NTRK2: variants seen among roughly 807,000 people sequenced by gnomAD.
NTRK2 encodes the protein BDNF/NT-3 growth factors receptor.
NTRK2 carries 13 observed loss-of-function variants against 94.5 expected under a neutral mutation model. That is an observed-to-expected ratio of 0.14 (90% confidence interval 0.09 to 0.22). NTRK2 has a LOEUF of 0.22. Among genes scored for constraint, NTRK2 ranks in the 10% least tolerant of loss-of-function variants. The probability of loss-of-function intolerance (pLI) is 1.00; values close to 1 mark genes in which losing one functional copy is unlikely to be tolerated. For synonymous variants in NTRK2, 372 were observed against 407.4 expected (o/e 0.91, Z 1.05); for missense variants, 639 against 1,071.2 (o/e 0.60, Z 5.63).
chr9:84,728,200 A>G (rs1490488442), intron 9 of NTRK2, among the ~76,000 whole-genome samples: 1 of 152,134 alleles, frequency 6.6e-6, no homozygotes, highest in African/African-American at 2.4e-5. Flanking sequence ...GTGTGGAGTG[A>G]AAGAGGACAA....
chr9:84,986,097 A>G (rs1161385968), intron 17 of NTRK2, among the ~76,000 whole-genome samples: 1 of 152,156 alleles, frequency 6.6e-6, no homozygotes, highest in East Asian at 1.9e-4. Context: ...AGGTTAAATT[A>G]CAATTATTAT....
At chr9:84,831,136 G>A (rs141480382) in intron 12 of NTRK2, among the ~76,000 whole-genome samples, 123 of 152,250 alleles carry the variant, frequency 8.1e-4, no homozygotes, top group African/African-American at 2.9e-3. Flanking sequence ...ATTGTTAAAA[G>A]TAACACTGTA....
chr9:84,685,085 A>G (rs1564046292), intron 2 of NTRK2, among the ~76,000 whole-genome samples: 1 of 151,802 alleles, frequency 6.6e-6, no homozygotes, highest in Admixed American at 6.6e-5. Context: ...TACTTTTACT[A>G]TTATATGTTT....
At chr9:84,847,028 AAG>A (rs1487403814) in intron 12 of NTRK2, among the ~76,000 whole-genome samples, 1 of 152,212 alleles carries the variant, frequency 6.6e-6, no homozygotes, top group African/African-American at 2.4e-5. Flanking sequence ...ACAACAACAA[AAG>A]AGCTAGTTAA....
At chr9:84,669,113 TC>T (rs761360126), upstream of NTRK2, among the ~76,000 whole-genome samples, 11 of 152,092 alleles carry the variant, frequency 7.2e-5, no homozygotes, top group Non-Finnish European at 1.6e-4. This position sits in a 1 kb window ranked among gnomAD's most constrained non-coding sequence, Gnocchi z 4.1. Context: ...AAACCACCGA[TC>T]CCCAAATAGG....
chr9:84,697,800 G>A (rs1263298752), intron 2 of NTRK2, among the ~76,000 whole-genome samples: 3 of 152,142 alleles, frequency 2.0e-5, no homozygotes, highest in Admixed American at 2.0e-4. Flanking sequence ...TGTTTGGGTG[G>A]TCCAGGGAAC....
At position 84,809,339 on chromosome 9, in the gene NTRK2, T is replaced by G. The variant is rs184236961; in HGVS notation, c.1397-51701T>G. Among the ~76,000 whole-genome samples, 203 of 151,170 alleles carry G rather than the reference T, an allele frequency of 1.3e-3. 1 individual carries two copies. Among genetic ancestry groups the G allele is most frequent in the African/African-American group, 4.8e-3 (197 of 41,350 alleles). On this transcript the variant is annotated intron_variant, in intron 12 of 18. Transcript: ENST00000277120. ...TTGTAACATTTATCACAGCGTCTAC[T>G]GTTTGGTTGGTGCTTAACAAATGTA... is the stretch of plus-strand genomic sequence containing the variant.
chr9:84,996,823 C>CT (rs924777407), intron 17 of NTRK2, among the ~76,000 whole-genome samples: 2 of 152,226 alleles, frequency 1.3e-5, no homozygotes, highest in African/African-American at 2.4e-5. Context: ...AGCTTGTCCC[C>CT]TACTTCAGGT....
intron 11 of NTRK2, among the ~76,000 whole-genome samples, chr9:84,749,281 A>G (rs933827126): frequency 1.3e-5 from 2 of 152,048 alleles, no homozygotes; most frequent in Non-Finnish European, 2.9e-5. Context: ...TTGGGGAGAT[A>G]TACTCACAGT....
intron 17 of NTRK2, among the ~76,000 whole-genome samples, chr9:84,972,825 A>T (rs1564515524): frequency 6.6e-6 from 1 of 152,208 alleles, no homozygotes; most frequent in Admixed American, 6.5e-5. Context: ...AAAATAAGCA[A>T]TCATATTCTC....
At chr9:84,815,214 G>A in intron 12 of NTRK2, 1 of 1,057,102 alleles carries the variant, frequency 9.5e-7, no homozygotes, top group South Asian at 4.6e-5. Flanking sequence ...TCAGGCTAGT[G>A]TTGCAGTATA....
intron 17 of NTRK2, among the ~76,000 whole-genome samples, chr9:84,962,982 C>T (rs1055127866): frequency 5.9e-5 from 9 of 152,182 alleles, no homozygotes; most frequent in South Asian, 4.1e-4. Context: ...AGTTCAGAAG[C>T]GGGCAATTTC....
chr9:84,899,434 C>T (rs1484460115), intron 14 of NTRK2, among the ~76,000 whole-genome samples: 2 of 152,200 alleles, frequency 1.3e-5, no homozygotes, highest in Non-Finnish European at 2.9e-5. Flanking sequence ...AGTTCTGTTA[C>T]ACCACTAATC....
intron 14 of NTRK2, chr9:84,874,144 G>A: frequency 1.9e-6 from 2 of 1,064,914 alleles, no homozygotes; most frequent in Non-Finnish European, 2.3e-6. Context: ...CCCCCATTTT[G>A]GTTTCGGATT....
At position 84,746,929 on chromosome 9, in the gene NTRK2, C is replaced by T. The variant is rs1000497193; in HGVS notation, c.1296+1856C>T. 9.2e-5 allele frequency among the ~76,000 whole-genome samples: 14 copies of T among 152,270 alleles called. 1 individual carries two copies. The Middle Eastern group carries it at 0.017, about 185-fold the overall frequency. ...TTAGTAAGACTCTTAGTAGGGGCAA[C>T]GTGGTCAGTGTTTTTCACAGCTGTC... On this transcript the variant is annotated intron_variant, in intron 11 of 18. Coordinates refer to ENST00000277120, the MANE Select transcript of NTRK2 (RefSeq NM_006180.6).
At position 84,716,596 on chromosome 9, in the gene NTRK2, T is replaced by C. The variant is rs577205637; in HGVS notation, c.583+5805T>C. On this transcript the variant is annotated intron_variant, in intron 6 of 18. Coordinates refer to ENST00000277120, the MANE Select transcript of NTRK2 (RefSeq NM_006180.6). Reference sequence around the variant, plus strand: ...ATGAAACATTATTTTCTTAGCAACTTAGTTGGATTGGCTTTCTTTCCTGAA... The same window carrying C: ...ATGAAACATTATTTTCTTAGCAACTCAGTTGGATTGGCTTTCTTTCCTGAA... 7.2e-5 allele frequency among the ~76,000 whole-genome samples: 11 copies of C among 152,356 alleles called. No individual in the cohort carries two copies. The East Asian group carries it at 2.1e-3, about 29-fold the overall frequency.
chr9:84,765,453 C>A (rs1252417617), intron 12 of NTRK2, among the ~76,000 whole-genome samples: 3 of 152,166 alleles, frequency 2.0e-5, no homozygotes, highest in Non-Finnish European at 4.4e-5. Context: ...TGAGAGCTAG[C>A]AGCAGGTGAG....
chr9:84,693,347 G>A (rs1372637731), intron 2 of NTRK2, among the ~76,000 whole-genome samples: 1 of 152,116 alleles, frequency 6.6e-6, no homozygotes, highest in Non-Finnish European at 1.5e-5. Context: ...TGTTTTATGA[G>A]AAAGAAAATG....
intron 14 of NTRK2, chr9:84,877,915 T>G (rs2076129750): frequency 9.8e-7 from 1 of 1,018,482 alleles, no homozygotes; most frequent in Non-Finnish European, 1.2e-6. Flanking sequence ...CTCTGTTGCC[T>G]ACTTTCGTCA....
Sources: allele counts gnomAD v4.1 joint callset (sites outside exome capture counted in the v4.1 genomes callset), GRCh38; gene constraint gnomAD v4.1.1; non-coding constraint Gnocchi (gnomAD v3.1); transcripts MANE v1.5; gene names NCBI Gene and HGNC (gene_info 2026-07-23, HGNC 2026-07-21).